KLB: variants seen among roughly 807,000 people sequenced by gnomAD.
The protein encoded by KLB is beta-klotho.
A neutral mutation model predicts 88.4 loss-of-function variants in KLB; 44 were observed. The observed-to-expected ratio is 0.50, with a 90% confidence interval of 0.39 to 0.64. The LOEUF (loss-of-function observed/expected upper bound fraction) is 0.64. Ranked by LOEUF, KLB falls within the 30% of genes least tolerant of loss-of-function variation. The pLI, the probability that KLB is intolerant of heterozygous loss-of-function variation, is 0.00. For missense variants in KLB, 1,137 were observed against 1,304.8 expected, an observed-to-expected ratio of 0.87 and a Z score of 1.98; for synonymous variants, 548 against 513.4, an observed-to-expected ratio of 1.07 and a Z score of -0.91.
chr4:39,430,739 T>C (rs1743339926), intron 1 of KLB, among the ~76,000 whole-genome samples: 1 of 151,350 alleles, frequency 6.6e-6, no homozygotes, highest in Non-Finnish European at 1.5e-5. Flanking sequence ...TAGCTGGGAC[T>C]ACAGGCGCAT....
chr4:39,445,545 C>A (rs1191502454), intron 3 of KLB, among the ~76,000 whole-genome samples: 3 of 133,896 alleles, frequency 2.2e-5, no homozygotes, highest in Non-Finnish European at 3.2e-5. Flanking sequence ...GCTCTTGTTG[C>A]CGAGGCTGGA....
At chr4:39,416,836 G>A (rs1374687744) in intron 1 of KLB, among the ~76,000 whole-genome samples, 2 of 152,100 alleles carry the variant, frequency 1.3e-5, no homozygotes, top group African/African-American at 4.8e-5. Flanking sequence ...CCATTCCCAT[G>A]ATTAATAGCT....
chr4:39,423,118 A>G (rs2109827087), intron 1 of KLB, among the ~76,000 whole-genome samples: 1 of 152,008 alleles, frequency 6.6e-6, no homozygotes, highest in East Asian at 1.9e-4. Context: ...GGGGAAGACA[A>G]TCCAGCACAG....
intron 1 of KLB, among the ~76,000 whole-genome samples, chr4:39,424,241 T>C: frequency 6.6e-6 from 1 of 151,692 alleles, no homozygotes; most frequent in East Asian, 1.9e-4. Context: ...CAGCTAATTT[T>C]TGTATTTTTT....
At chr4:39,416,803 C>T (rs558565988) in intron 1 of KLB, among the ~76,000 whole-genome samples, 139 of 152,162 alleles carry the variant, frequency 9.1e-4, no homozygotes, top group Non-Finnish European at 1.1e-3. Flanking sequence ...AATAAAACTG[C>T]AAAAACAGCC....
chr4:39,407,045 C>T lies in KLB; in HGVS notation c.96C>T (p.Asn32=), dbSNP rs755711134. 13 of 1,613,770 alleles carry T rather than the reference C, an allele frequency of 8.1e-6. No homozygotes were observed. Among genetic ancestry groups the T allele is most frequent in the East Asian group, 4.5e-5 (2 of 44,904 alleles). ...CACGCTATAGGAATACAATGTCCAA[C>T]GGGGGATTGCAAAGATCTGTCATCC... ...ITTRYRNTMS[N]GGLQRSVILS... The change falls in exon 1 of 5, where the codon AAC becomes AAT. Residue 32 remains asparagine, a synonymous_variant. Coordinates refer to ENST00000257408, the MANE Select transcript of KLB (RefSeq NM_175737.4).
intron 1 of KLB, among the ~76,000 whole-genome samples, chr4:39,416,645 G>T (rs2109822471): frequency 6.7e-6 from 1 of 150,006 alleles, no homozygotes; most frequent in East Asian, 2.0e-4. Context: ...AATGAGCTAG[G>T]CATGGTGGCA....
intron 1 of KLB, among the ~76,000 whole-genome samples, chr4:39,408,971 A>G (rs1483812125): frequency 4.4e-5 from 5 of 114,084 alleles, no homozygotes; most frequent in Non-Finnish European, 6.3e-5. Context: ...GCAACATAAA[A>G]TAATTCCATG....
rs546840617 is a variant in KLB, at chr4:39,429,280, G to A, written c.826-4930G>A. On this transcript the variant is annotated intron_variant, in intron 1 of 4. Coordinates refer to ENST00000257408, the MANE Select transcript of KLB (RefSeq NM_175737.4). ...TTGAATACACTGGTGTGATGTGTTT[G>A]GCTTGCTCATCTGTCTTCAACCCAT... 3.3e-5 allele frequency among the ~76,000 whole-genome samples: 5 copies of A among 152,294 alleles called. No homozygotes were observed. The South Asian group carries it at 1.0e-3, about 32-fold the overall frequency.
intron 3 of KLB, among the ~76,000 whole-genome samples, chr4:39,445,676 GT>G (rs1297506631): frequency 1.2e-4 from 10 of 82,878 alleles, no homozygotes; most frequent in African/African-American, 3.3e-4. Context: ...GGCTAATCTT[GT>G]TTTTTTGTTT....
At chr4:39,408,439 A>G (rs1449292642) in intron 1 of KLB, among the ~76,000 whole-genome samples, 1 of 152,218 alleles carries the variant, frequency 6.6e-6, no homozygotes, top group Non-Finnish European at 1.5e-5. Flanking sequence ...TGTTAAAATT[A>G]GTAAAACAAT....
chr4:39,451,510 T>C lies in KLB; in HGVS notation c.*2824T>C, dbSNP rs1440937598. On this transcript the variant is annotated 3_prime_UTR_variant, in exon 5 of 5. Coordinates refer to ENST00000257408, the MANE Select transcript of KLB (RefSeq NM_175737.4). ...AATTTATTCCAAATAAACTGGTTCA[T>C]GCTGACCACTTGTATTCAACTAACA... The C allele has an allele frequency of 2.0e-5, 3 of 152,254 alleles. No individual in the cohort carries two copies. Among genetic ancestry groups the C allele is most frequent in the East Asian group, 3.8e-4 (2 of 5,202 alleles). The allele number at this position is 152,254 out of a possible 1,614,324, so 9.4% of individuals were successfully genotyped here.
rs757840932 is a variant in KLB at position 39,447,390 on chromosome 4, C to T, written c.2664C>T (p.Thr888=). 1 of 1,613,714 alleles carries T rather than the reference C, an allele frequency of 6.2e-7. No individual in the cohort carries two copies. The highest frequency in any genetic ancestry group is 8.5e-7 in the Non-Finnish European group (1 of 1,179,930). The change falls in exon 4 of 5, where the codon ACC becomes ACT. Residue 888 remains threonine, a synonymous_variant. Transcript: ENST00000257408. ...ACGGCGACATGGACATTTACATCAC[C>T]GCCAGTGGCATCGACGACCAGGCTC... is the stretch of plus-strand genomic sequence containing the variant. ...RNYGDMDIYI[T]ASGIDDQALE... is the part of the protein sequence containing the mutation.
At position 39,451,456 on chromosome 4, in the gene KLB, A is replaced by C. The variant is rs139018573; in HGVS notation, c.*2770A>C. Reference sequence around the variant, plus strand: ...AGCCTCTGGAAAATGAGGCCAGTACAGTGTGACTACATGTTTAATTTTCAA... The same window carrying C: ...AGCCTCTGGAAAATGAGGCCAGTACCGTGTGACTACATGTTTAATTTTCAA... On this transcript the variant is annotated 3_prime_UTR_variant, in exon 5 of 5. Transcript: ENST00000257408. The C allele has an allele frequency of 6.6e-5, 10 of 152,378 alleles. No homozygotes were observed. Among genetic ancestry groups the C allele is most frequent in the African/African-American group, 2.4e-4 (10 of 41,598 alleles). The allele number at this position is 152,378 out of a possible 1,614,324, so 9.4% of individuals were successfully genotyped here.
chr4:39,423,755 A>T (rs1467314928), intron 1 of KLB, among the ~76,000 whole-genome samples: 1 of 151,804 alleles, frequency 6.6e-6, no homozygotes, highest in East Asian at 1.9e-4. Context: ...CAATAAATAT[A>T]GTCAGTCTCT....
intron 1 of KLB, among the ~76,000 whole-genome samples, chr4:39,432,147 C>T (rs543877605): frequency 1.3e-5 from 2 of 152,152 alleles, no homozygotes; most frequent in South Asian, 4.2e-4. Context: ...ATTAACTGGG[C>T]ATGGTGGTGC....
intron 1 of KLB, among the ~76,000 whole-genome samples, chr4:39,409,795 G>A (rs1275673344): frequency 1.3e-5 from 2 of 151,638 alleles, no homozygotes; most frequent in African/African-American, 2.4e-5. Context: ...GTCGTGGCAC[G>A]TGCCTATAGT....
intron 3 of KLB, among the ~76,000 whole-genome samples, chr4:39,442,432 C>T (rs978288219): frequency 6.9e-6 from 1 of 144,518 alleles, no homozygotes; most frequent in Non-Finnish European, 1.5e-5. Context: ...CTGCCTCTCT[C>T]CCCTTTTTTT....
intron 1 of KLB, among the ~76,000 whole-genome samples, chr4:39,414,544 T>C (rs552854762): frequency 8.5e-5 from 13 of 152,174 alleles, no homozygotes; most frequent in Admixed American, 7.2e-4. Context: ...AAAACACTAA[T>C]CTTACTTTTT....
Sources: allele counts gnomAD v4.1 joint callset (sites outside exome capture counted in the v4.1 genomes callset), GRCh38; gene constraint gnomAD v4.1.1; transcripts MANE v1.5; gene names NCBI Gene and HGNC (gene_info 2026-07-23, HGNC 2026-07-21).